Variants in POLQ observed in about 807,000 individuals in gnomAD.
The protein encoded by POLQ is DNA polymerase theta, also known as epididymis secretory sperm binding protein.
A neutral mutation model predicts 259.2 loss-of-function variants in POLQ; 233 were observed. That is an observed-to-expected ratio of 0.90 (90% CI 0.81 to 1.00). The LOEUF (loss-of-function observed/expected upper bound fraction) is 1.00. POLQ is among the 50% of genes least tolerant of loss of function. The pLI is 0.00. For missense variants in POLQ, 2,871 were observed against 3,051.6 expected (o/e 0.94, Z 1.39); for synonymous variants, 1,025 against 1,048.8 (o/e 0.98, Z 0.44).
intron 12 of POLQ, among the ~76,000 whole-genome samples, chr3:121,504,057 AG>A (rs1337033926): frequency 7.2e-5 from 11 of 152,272 alleles, no homozygotes; most frequent in African/African-American, 2.6e-4. Context: ...TAGTACAGAC[AG>A]GGTTTCACCA....
intron 3 of POLQ, among the ~76,000 whole-genome samples, chr3:121,540,322 A>G (rs1275353531): frequency 6.6e-6 from 1 of 152,192 alleles, no homozygotes; most frequent in African/African-American, 2.4e-5. Flanking sequence ...AAATAAAAAA[A>G]CTGAGGCCCA....
chr3:121,444,407 T>C lies in POLQ; in HGVS notation c.7265-4291A>G, dbSNP rs188032535. ...TTTTTCAGATTGTTTGCTCCTGGCATATAGAAATGCTACTGATGTTTGTAT... is the reference window on the plus strand; with the variant it reads ...TTTTTCAGATTGTTTGCTCCTGGCACATAGAAATGCTACTGATGTTTGTAT... On this transcript the variant is annotated intron_variant, in intron 26 of 29. Coordinates refer to ENST00000264233, the MANE Select transcript of POLQ (RefSeq NM_199420.4). Among the ~76,000 whole-genome samples the C allele has an allele frequency of 2.4e-4, 37 of 152,332 alleles. No homozygotes were observed. In the East Asian group the frequency reaches 6.7e-3, roughly 28 times the overall value.
chr3:121,537,226 A>G lies in POLQ; in HGVS notation c.632-18T>C. 2 of 1,379,704 alleles carry G rather than the reference A, an allele frequency of 1.4e-6. No homozygotes were observed. Among genetic ancestry groups the G allele is most frequent in the South Asian group, 1.2e-5 (1 of 84,768 alleles). 85.5% of individuals were successfully genotyped at this position (1,379,704 alleles called of 1,614,324 possible). On this transcript the variant is annotated intron_variant, in intron 4 of 29. Transcript: ENST00000264233. Reference sequence around the variant, plus strand: ...CACCATTCCTAAAAAGATTTTCCAGATACTAGGTTTTTACAGAATGTCACA... The same window carrying G: ...CACCATTCCTAAAAAGATTTTCCAGGTACTAGGTTTTTACAGAATGTCACA...
rs960412822 is a variant in POLQ at position 121,494,681 on chromosome 3, C to T, written c.2279-960G>A. 20 of 1,576,338 alleles carry T rather than the reference C, an allele frequency of 1.3e-5. No homozygotes were observed. The African/African-American group carries it at 1.6e-4, about 13-fold the overall frequency. ...TACCAAGGGGAAGGCAAGACTGGGACGTCTAGTCCACAGGAAGACCTGCAC... is the reference window on the plus strand; with the variant it reads ...TACCAAGGGGAAGGCAAGACTGGGATGTCTAGTCCACAGGAAGACCTGCAC... On this transcript the variant is annotated intron_variant, in intron 14 of 29. Coordinates refer to ENST00000264233, the MANE Select transcript of POLQ (RefSeq NM_199420.4).
chr3:121,496,792 C>A lies in POLQ; in HGVS notation c.2278+16G>T. 8 of 1,595,804 alleles carry A rather than the reference C, an allele frequency of 5.0e-6. No individual in the cohort carries two copies. The highest frequency in any genetic ancestry group is 6.8e-6 in the Non-Finnish European group (8 of 1,175,798). ...TCACAGTATTAAATAAATGTGAAAC[C>A]CTTTGTTTAACTGACCTGCATAAAC... On this transcript the variant is annotated intron_variant, in intron 14 of 29. Transcript: ENST00000264233.
At position 121,483,487 on chromosome 3, in the gene POLQ, C is replaced by G; in HGVS notation, c.5869G>C (p.Asp1957His). 6.2e-7 allele frequency: 1 copy of G among 1,608,446 alleles called. No individual in the cohort carries two copies. The highest frequency in any genetic ancestry group is 1.3e-5 in the African/African-American group (1 of 74,512). ...YLQSCLRKES[D>H]KECSVVIYDF... ...TAGATGACAACAGAACATTCTTTAT[C>G]AGATTCCTTTCGCAAGCAAGATTGA... Residue 1957 changes from aspartate (D) to histidine (H), a missense_variant, in exon 18 of 30, where the codon GAT becomes CAT. This residue lies in a region of POLQ where 2,080 missense variants were observed against 2,126.0 expected (regional missense o/e 0.98). Coordinates refer to ENST00000264233, the MANE Select transcript of POLQ (RefSeq NM_199420.4).
rs148445441 is a variant in POLQ, at chr3:121,476,545, C to A, written c.6400G>T (p.Ala2134Ser). 5.8e-5 allele frequency: 94 copies of A among 1,610,220 alleles called. No homozygotes were observed. Among genetic ancestry groups the A allele is most frequent in the Non-Finnish European group, 7.0e-5 (83 of 1,177,730 alleles). The change falls in exon 20 of 30, where the codon GCT becomes TCT. Residue 2134 changes from alanine to serine, a missense_variant. This residue lies in a region of POLQ where 2,080 missense variants were observed against 2,126.0 expected (regional missense o/e 0.98). Transcript: ENST00000264233. ...SFSFTSSDDI[A>S]EVLFLELKLP... is the part of the protein sequence containing the mutation. Reference sequence around the variant, plus strand: ...CCCTAGCCCCATGATACAACCTCAGCGATGTCATCTGAACTGGTGAAAGAA... The same window carrying A: ...CCCTAGCCCCATGATACAACCTCAGAGATGTCATCTGAACTGGTGAAAGAA...
At chr3:121,522,204 TA>T (rs1680230735) in intron 7 of POLQ, 55 bp from the exon 8 acceptor site, 2 of 1,428,722 alleles carry the variant, frequency 1.4e-6, no homozygotes, top group African/African-American at 2.9e-5. Context: ...TCTTTAAGTG[TA>T]TCTGTCTAAA....
At chr3:121,539,799 T>C (rs952448912) in intron 3 of POLQ, among the ~76,000 whole-genome samples, 1 of 152,160 alleles carries the variant, frequency 6.6e-6, no homozygotes, top group Non-Finnish European at 1.5e-5. Flanking sequence ...AAGAGTCAAA[T>C]AAAATTATGC....
At position 121,482,687 on chromosome 3, in the gene POLQ, T is replaced by C. The variant is rs373985113; in HGVS notation, c.5970+699A>G. On this transcript the variant is annotated intron_variant, in intron 18 of 29. Transcript: ENST00000264233. ...AACTTCCTCATAAGACTAGGAGTCC[T>C]GTAGTTTCTAATACTAGATCAGGCA... Among the ~76,000 whole-genome samples the C allele has an allele frequency of 1.1e-3, 169 of 152,238 alleles. 4 individuals are homozygous for C. In the South Asian group the frequency reaches 0.033, roughly 30 times the overall value.
chr3:121,519,386 G>T (rs1474880651), intron 9 of POLQ, among the ~76,000 whole-genome samples: 1 of 82,324 alleles, frequency 1.2e-5, no homozygotes, highest in African/African-American at 3.7e-5. Context: ...ATATATATAT[G>T]AAAATTATGC....
intron 26 of POLQ, among the ~76,000 whole-genome samples, chr3:121,447,171 C>CTTTT (rs71133535): frequency 3.1e-5 from 4 of 127,466 alleles, no homozygotes; most frequent in Non-Finnish European, 4.8e-5. Context: ...TCTTATAACC[C>CTTTT]TTTTTTTTTT....
intron 20 of POLQ, 54 bp downstream of exon 20, chr3:121,476,486 A>AC: frequency 1.5e-6 from 2 of 1,293,042 alleles, no homozygotes; most frequent in Non-Finnish European, 2.2e-6. Context: ...ACACACACAC[A>AC]ATCATTTTAA....
chr3:121,498,519 G>A lies in POLQ; in HGVS notation c.2111C>T (p.Ala704Val), dbSNP rs1553814195. The A allele has an allele frequency of 6.2e-7, 1 of 1,614,004 alleles. No individual in the cohort carries two copies. Among genetic ancestry groups the A allele is most frequent in the Non-Finnish European group, 8.5e-7 (1 of 1,179,988 alleles). Residue 704 changes from alanine (A) to valine (V), a missense_variant, in exon 13 of 30, where the codon GCC (alanine) becomes GTC (valine). Physicochemically the swap from Ala to Val is moderately conservative, Grantham distance 64. Transcript: ENST00000264233. ...LARCVKGKVV[A>V]RTERQHRQMA... The stretch of plus-strand genomic sequence containing the variant: ...TTGTCGATGCTGTCTCTCAGTTCTG[G>A]CTACTACTTTTCCTTTCACACAACG...
chr3:121,491,283 G>A (rs1237412817), intron 15 of POLQ, among the ~76,000 whole-genome samples: 3 of 141,326 alleles, frequency 2.1e-5, no homozygotes, highest in South Asian at 2.3e-4. Context: ...AACCCAGGAC[G>A]CAGAGGTTGC....
chr3:121,535,031 A>G (rs576461016), intron 5 of POLQ, among the ~76,000 whole-genome samples: 15 of 152,342 alleles, frequency 9.8e-5, no homozygotes, highest in African/African-American at 2.9e-4. Context: ...TTTTGAGGTA[A>G]TTGTTCAATA....
At position 121,432,261 on chromosome 3, in the gene POLQ, C is replaced by CATCT. The variant is rs1481415620; in HGVS notation, c.*39_*42dup. 2 of 1,547,074 alleles carry CATCT rather than the reference C, an allele frequency of 1.3e-6. No individual in the cohort carries two copies. The highest frequency in any genetic ancestry group is 2.8e-5 in the African/African-American group (2 of 70,874). On this transcript the variant is annotated 3_prime_UTR_variant, in exon 30 of 30. Coordinates refer to ENST00000264233, the MANE Select transcript of POLQ (RefSeq NM_199420.4). ...AATCTCTGTTCTTTCCAGGTGACTG[C>CATCT]ATCTGCACAGGCTTCCCTGGGAGGA...
Position 121,496,840 on chromosome 3 carries a change from T to G in POLQ, c.2246A>C (p.Gln749Pro), listed in dbSNP as rs1388591069. 6.2e-7 allele frequency: 1 copy of G among 1,613,660 alleles called. No homozygotes were observed. The highest frequency in any genetic ancestry group is 1.3e-5 in the African/African-American group (1 of 74,942). The change falls in exon 14 of 30, where the codon CAA becomes CCA. Residue 749 changes from glutamine (Q) to proline (P), a missense_variant. Physicochemically the swap from Gln to Pro is moderately conservative, Grantham distance 76 (BLOSUM62 -1). Transcript: ENST00000264233. ...AACAGCAGCTGACTGTTGCAAAGAT[T>G]GAATCTGCCCACGATTGCATCCATA... ...QKYGCNRGQI[Q>P]SLQQSAAVYA...
intron 26 of POLQ, among the ~76,000 whole-genome samples, chr3:121,445,404 A>G (rs1310572568): frequency 6.6e-6 from 1 of 152,152 alleles, no homozygotes; most frequent in Non-Finnish European, 1.5e-5. Context: ...TAGATTTTCC[A>G]AATTACTGGC....
Sources: gnomAD v4.1 joint callset for allele counts (sites outside exome capture counted in the v4.1 genomes callset) on GRCh38, gnomAD v4.1.1 for gene constraint, gnomAD v4.1.1 regional missense constraint, MANE v1.5 for transcripts, NCBI Gene and HGNC (gene_info 2026-07-23, HGNC 2026-07-21) for gene names.